Variants in FRMPD1 observed in about 807,000 individuals in gnomAD.
FRMPD1 encodes the protein FERM and PDZ domain-containing protein 1.
Under a neutral mutation model 117.8 loss-of-function variants are expected in FRMPD1, and 76 were observed. The ratio of observed to expected loss-of-function variants is 0.65; its 90% CI spans 0.54 to 0.78. The LOEUF (loss-of-function observed/expected upper bound fraction) is 0.78, where lower values mean the gene tolerates loss of function less well. Among genes scored for constraint, FRMPD1 ranks in the 30% least tolerant of loss-of-function variants. FRMPD1 has a pLI of 0.00. For synonymous variants in FRMPD1, 783 were observed against 770.4 expected, an observed-to-expected ratio of 1.02 and a Z score of -0.27; for missense variants, 1,786 against 1,964.5, an observed-to-expected ratio of 0.91 and a Z score of 1.72.
At chr9:37,726,381 T>C (rs1354101501) in intron 7 of FRMPD1, among the ~76,000 whole-genome samples, 1 of 152,326 alleles carries the variant, frequency 6.6e-6, no homozygotes, top group African/African-American at 2.4e-5. Context: ...CAGGCATTTC[T>C]ATATCACCAA....
intron 5 of FRMPD1, among the ~76,000 whole-genome samples, chr9:37,713,325 G>A (rs1822980295): frequency 6.6e-6 from 1 of 152,098 alleles, no homozygotes. Context: ...AACATAGTAT[G>A]TGAGGCTGGG....
intron 1 of FRMPD1, among the ~76,000 whole-genome samples, chr9:37,681,815 C>G (rs1435522802): frequency 6.6e-6 from 1 of 152,196 alleles, no homozygotes; most frequent in Admixed American, 6.5e-5. Context: ...AAACAGGGTA[C>G]TTTTCTCCCC....
intron 1 of FRMPD1, among the ~76,000 whole-genome samples, chr9:37,667,087 A>G (rs1351429172): frequency 4.4e-5 from 4 of 90,502 alleles, no homozygotes; most frequent in African/African-American, 2.3e-4. Flanking sequence ...TTCCTGAGAC[A>G]GGGTCTTGCT....
upstream of FRMPD1, among the ~76,000 whole-genome samples, chr9:37,647,659 A>G: frequency 6.6e-6 from 1 of 152,322 alleles, no homozygotes. Flanking sequence ...AAGACATTGT[A>G]TTTCTCAAGA....
At chr9:37,725,493 G>A (rs909818703) in intron 7 of FRMPD1, among the ~76,000 whole-genome samples, 1 of 152,134 alleles carries the variant, frequency 6.6e-6, no homozygotes, top group South Asian at 2.1e-4. Context: ...ACACCTGTAC[G>A]CACACATCCA....
At chr9:37,608,818 T>A in the FRMPD1 span, among the ~76,000 whole-genome samples, 1 of 152,258 alleles carries the variant, frequency 6.6e-6, no homozygotes, top group African/African-American at 2.4e-5. Flanking sequence ...CTAGGCCCTG[T>A]GTACACTGAA....
rs551196617 is a variant in FRMPD1, at chr9:37,676,735, C to G, written c.-4-15903C>G. Among the ~76,000 whole-genome samples the G allele has an allele frequency of 2.8e-4, 43 of 152,330 alleles. No individual in the cohort carries two copies. In the East Asian group the frequency reaches 7.9e-3, roughly 28 times the overall value. ...GCATCTGGCATTCTTGGCCGCCTGA[C>G]AGCAATCAGCCGTTCCTAAGCCCCA... On this transcript the variant is annotated intron_variant, in intron 1 of 15. Transcript: ENST00000377765.
At chr9:37,725,880 A>G (rs1298386789) in intron 7 of FRMPD1, among the ~76,000 whole-genome samples, 1 of 152,232 alleles carries the variant, frequency 6.6e-6, no homozygotes, top group Non-Finnish European at 1.5e-5. Context: ...TCACTCTGCC[A>G]TTCTGCAGAA....
At chr9:37,702,684 C>T (rs946168883) in intron 2 of FRMPD1, among the ~76,000 whole-genome samples, 8 of 152,098 alleles carry the variant, frequency 5.3e-5, no homozygotes, top group Non-Finnish European at 1.0e-4. Flanking sequence ...CACAGGTCCA[C>T]GAAGGCAAGG....
Position 37,746,476 on chromosome 9 carries a change from T to C in FRMPD1, c.4444T>C (p.Ser1482Pro). The change falls in exon 16 of 16, where the codon TCC (serine) becomes CCC (proline). Residue 1482 changes from serine (S) to proline (P), a missense_variant. By Grantham distance (74) the Ser-to-Pro change is moderately conservative (BLOSUM62 -1). Transcript: ENST00000377765. ...SCRHVIRMDQ[S>P]PEEMQGAVRD... ...TCGGCATGTGATCAGAATGGACCAG[T>C]CCCCCGAAGAGATGCAGGGGGCCGT... is the stretch of plus-strand genomic sequence containing the variant. 2 of 1,613,588 alleles carry C rather than the reference T, an allele frequency of 1.2e-6. No individual in the cohort carries two copies. The highest frequency in any genetic ancestry group is 2.2e-5 in the South Asian group (2 of 91,082).
At chr9:37,683,711 TG>T (rs1203817830) in intron 1 of FRMPD1, among the ~76,000 whole-genome samples, 57 of 151,022 alleles carry the variant, frequency 3.8e-4, no homozygotes, top group Non-Finnish European at 6.5e-4. Context: ...CAAAAGGCTT[TG>T]GGGGGAATGA....
the FRMPD1 span, among the ~76,000 whole-genome samples, chr9:37,620,880 T>G: frequency 6.6e-6 from 1 of 152,226 alleles, no homozygotes; most frequent in African/African-American, 2.4e-5. Context: ...AGAAACTAAT[T>G]CCCAAGAGTC....
chr9:37,625,901 C>T, the FRMPD1 span, among the ~76,000 whole-genome samples: 1 of 152,234 alleles, frequency 6.6e-6, no homozygotes, highest in Non-Finnish European at 1.5e-5. Context: ...AGATCAGCAG[C>T]AGCTATATTA....
chr9:37,668,098 G>A (rs1379092078), intron 1 of FRMPD1: 1 of 152,254 alleles, frequency 6.6e-6, no homozygotes, highest in African/African-American at 2.4e-5. Flanking sequence ...GAGACCTTGG[G>A]TGTCATCTTC....
intron 1 of FRMPD1, among the ~76,000 whole-genome samples, chr9:37,667,515 A>AT (rs1313830545): frequency 8.4e-6 from 1 of 119,534 alleles, no homozygotes; most frequent in Non-Finnish European, 1.7e-5. Context: ...TCTACTAAAA[A>AT]TTAAAAAAAA....
At chr9:37,696,076 A>AG (rs1822314582) in intron 2 of FRMPD1, among the ~76,000 whole-genome samples, 1 of 30,412 alleles carries the variant, frequency 3.3e-5, no homozygotes, top group Non-Finnish European at 7.3e-5. Context: ...TTTTTTTTTT[A>AG]ATATCTAGAA....
rs1315381852 is a variant in FRMPD1 at position 37,673,249 on chromosome 9, T to C, written c.-4-19389T>C. Among the ~76,000 whole-genome samples the C allele has an allele frequency of 2.6e-5, 4 of 152,188 alleles. No individual in the cohort carries two copies. In the East Asian group the frequency reaches 7.7e-4, roughly 29 times the overall value. ...GAGAAATTGGCCAAAACAAAGGTGT[T>C]ACAGGGCCCATGCAAGTCCAAAATC... is the stretch of plus-strand genomic sequence containing the variant. On this transcript the variant is annotated intron_variant, in intron 1 of 15. Coordinates refer to ENST00000377765, the MANE Select transcript of FRMPD1 (RefSeq NM_014907.3).
chr9:37,658,416 TGTCTGACTACTTCTTAG>T (rs1820903372), intron 1 of FRMPD1, among the ~76,000 whole-genome samples: 1 of 152,234 alleles, frequency 6.6e-6, no homozygotes, highest in East Asian at 1.9e-4. Flanking sequence ...ATCCCTCATC[TGTCTGACTACTTCTTAG>T]GTGCTGTATT....
the FRMPD1 span, among the ~76,000 whole-genome samples, chr9:37,610,619 CG>C: frequency 2.9e-4 from 40 of 140,106 alleles, no homozygotes; most frequent in African/African-American, 1.0e-3. Context: ...TTTGAGACAG[CG>C]TTTCTCTCTT....
Sources: allele counts gnomAD v4.1 joint callset (sites outside exome capture counted in the v4.1 genomes callset), GRCh38; gene constraint gnomAD v4.1.1; transcripts MANE v1.5; gene names NCBI Gene and HGNC (gene_info 2026-07-23, HGNC 2026-07-21).